The following GRID1 variants were observed in gnomAD, a reference collection of about 807,000 sequenced individuals.
The protein encoded by GRID1 is glutamate ionotropic receptor delta type subunit 1.
GRID1 carries 28 observed loss-of-function variants against 98.0 expected under a neutral mutation model. That is an observed-to-expected ratio of 0.29 (90% confidence interval 0.21 to 0.39). GRID1 has a LOEUF of 0.39. GRID1 is among the 10% of genes least tolerant of loss of function. GRID1 has a pLI of 1.00. For missense variants in GRID1, 1,111 were observed against 1,340.5 expected (o/e 0.83, Z 2.67); for synonymous variants, 553 against 538.5 (o/e 1.03, Z -0.37).
At chr10:86,347,120 T>C (rs1182968348) in intron 2 of GRID1, among the ~76,000 whole-genome samples, 2 of 93,804 alleles carry the variant, frequency 2.1e-5, no homozygotes, top group Non-Finnish European at 3.9e-5. Flanking sequence ...GCTCAAAGCC[T>C]GGCCCTTCCC....
At chr10:85,939,587 A>T (rs1441078305) in intron 4 of GRID1, among the ~76,000 whole-genome samples, 1 of 152,054 alleles carries the variant, frequency 6.6e-6, no homozygotes, top group Non-Finnish European at 1.5e-5. Context: ...TTGGGGAGTC[A>T]TGTCTTCCTC....
chr10:86,312,447 C>T (rs1053578208), intron 2 of GRID1, among the ~76,000 whole-genome samples: 9 of 152,288 alleles, frequency 5.9e-5, no homozygotes, highest in East Asian at 1.9e-4. Context: ...CCTTCCAATC[C>T]GCTCCTCCAA....
rs191189886 is a variant in GRID1, at chr10:86,290,710, C to T, written c.235+73231G>A. Among the ~76,000 whole-genome samples the T allele has an allele frequency of 1.5e-4, 23 of 151,872 alleles. No individual in the cohort carries two copies. The East Asian group carries it at 4.5e-3, about 29-fold the overall frequency. On this transcript the variant is annotated intron_variant, in intron 2 of 15. Transcript: ENST00000327946. ...AAATATGTTCCAGGTAAGAGAGCCA[C>T]AAAGATAAAGCATGAAAGACCATGA...
intron 8 of GRID1, among the ~76,000 whole-genome samples, chr10:85,779,430 A>T (rs1653877965): frequency 6.6e-6 from 1 of 152,076 alleles, no homozygotes; most frequent in Admixed American, 6.5e-5. Flanking sequence ...ATGCTCACTG[A>T]GTACCCACTG....
intron 3 of GRID1, among the ~76,000 whole-genome samples, chr10:86,164,128 G>T (rs12098492): frequency 6.6e-6 from 1 of 152,138 alleles, no homozygotes; most frequent in Non-Finnish European, 1.5e-5. Flanking sequence ...GGCTGTGTGA[G>T]CTCAGTGAAT....
At chr10:85,798,001 T>C (rs1420174574) in intron 8 of GRID1, among the ~76,000 whole-genome samples, 4 of 152,210 alleles carry the variant, frequency 2.6e-5, no homozygotes, top group African/African-American at 9.7e-5. Context: ...ATACCACGTT[T>C]ATCCAATCCA....
At chr10:85,641,206 A>G (rs1005390650) in intron 13 of GRID1, among the ~76,000 whole-genome samples, 2 of 152,216 alleles carry the variant, frequency 1.3e-5, no homozygotes, top group Non-Finnish European at 2.9e-5. Context: ...GATCAAGCTA[A>G]AGAAAAAAAA....
intron 4 of GRID1, among the ~76,000 whole-genome samples, chr10:85,921,170 G>A (rs1032804885): frequency 3.3e-5 from 5 of 152,252 alleles, no homozygotes; most frequent in Admixed American, 2.6e-4. Context: ...AGACAGCTGC[G>A]AGGCTGGGTG....
At chr10:86,233,539 C>T (rs1016841985) in intron 2 of GRID1, among the ~76,000 whole-genome samples, 8 of 152,114 alleles carry the variant, frequency 5.3e-5, no homozygotes, top group African/African-American at 1.2e-4. Flanking sequence ...GGGGAGCTGC[C>T]GGAGGGGATG....
intron 5 of GRID1, among the ~76,000 whole-genome samples, chr10:85,889,494 T>C (rs1841164392): frequency 6.6e-6 from 1 of 152,208 alleles, no homozygotes; most frequent in Non-Finnish European, 1.5e-5. Context: ...TTCATAAATA[T>C]TGTCTCAAAT....
chr10:86,358,847 A>G (rs1367183545), intron 2 of GRID1, among the ~76,000 whole-genome samples: 1 of 151,640 alleles, frequency 6.6e-6, no homozygotes, highest in Admixed American at 6.6e-5. Context: ...GAGGGAGCCA[A>G]GCAGAAGAGT....
At chr10:85,663,170 T>C (rs1840984843) in intron 12 of GRID1, among the ~76,000 whole-genome samples, 1 of 152,200 alleles carries the variant, frequency 6.6e-6, no homozygotes, top group Non-Finnish European at 1.5e-5. Flanking sequence ...CTAGTACCTA[T>C]AAATTTGATC....
chr10:86,296,044 G>A (rs1847584273), intron 2 of GRID1, among the ~76,000 whole-genome samples: 1 of 152,244 alleles, frequency 6.6e-6, no homozygotes, highest in African/African-American at 2.4e-5. Flanking sequence ...GAAGTGGCCA[G>A]TTTCCCCATA....
At chr10:86,231,897 C>T (rs550769985) in intron 2 of GRID1, among the ~76,000 whole-genome samples, 2 of 152,308 alleles carry the variant, frequency 1.3e-5, no homozygotes, top group South Asian at 4.1e-4. Flanking sequence ...GACCATGATT[C>T]CCCGAGGCTG....
chr10:85,856,295 G>C, intron 6 of GRID1, 105 bp from the exon 7 acceptor site: 2 of 974,008 alleles, frequency 2.1e-6, no homozygotes, highest in Non-Finnish European at 3.2e-6. Flanking sequence ...ACATTAAGCT[G>C]TGGTGCCCAG....
intron 2 of GRID1, among the ~76,000 whole-genome samples, chr10:86,272,821 G>A (rs1847205319): frequency 6.6e-6 from 1 of 152,104 alleles, no homozygotes; most frequent in East Asian, 1.9e-4. Flanking sequence ...TTAGGCATAG[G>A]GCAAGATGCA....
intron 4 of GRID1, among the ~76,000 whole-genome samples, chr10:85,947,907 G>T (rs1842073082): frequency 6.6e-6 from 1 of 152,186 alleles, no homozygotes; most frequent in Non-Finnish European, 1.5e-5. Flanking sequence ...GGAGAATGTT[G>T]AATAACACTG....
At chr10:85,772,996 C>T (rs1478608798) in intron 8 of GRID1, among the ~76,000 whole-genome samples, 5 of 152,098 alleles carry the variant, frequency 3.3e-5, no homozygotes, top group Non-Finnish European at 5.9e-5. Context: ...ATCCTGATAC[C>T]AAAGCCGGGC....
chr10:86,239,067 A>T (rs1846585226), intron 2 of GRID1, among the ~76,000 whole-genome samples: 1 of 151,440 alleles, frequency 6.6e-6, no homozygotes, highest in Admixed American at 6.6e-5. Context: ...GGCACTCAAC[A>T]CTCCATCCTC....
Sources: allele counts gnomAD v4.1 joint callset (sites outside exome capture counted in the v4.1 genomes callset), GRCh38; gene constraint gnomAD v4.1.1; transcripts MANE v1.5; gene names NCBI Gene and HGNC (gene_info 2026-07-23, HGNC 2026-07-21).